The following PRG4 variants were observed in gnomAD, a reference collection of about 807,000 sequenced individuals.
The protein encoded by PRG4 is articular superficial zone protein.
A neutral mutation model predicts 91.2 loss-of-function variants in PRG4; 61 were observed. That is an observed-to-expected ratio of 0.67 (90% CI 0.54 to 0.83). PRG4 has a LOEUF of 0.83. Among genes scored for constraint, PRG4 ranks in the 40% least tolerant of loss-of-function variants. The pLI is 0.00. For missense variants in PRG4, 1,564 were observed against 1,714.2 expected (o/e 0.91, Z 1.55); for synonymous variants, 576 against 614.2 (o/e 0.94, Z 0.92).
rs749161039 is a variant in PRG4 at position 186,309,863 on chromosome 1, A to C, written c.3492A>C (p.Ala1164=). 5.0e-5 allele frequency: 81 copies of C among 1,612,714 alleles called. No individual in the cohort carries two copies. Among genetic ancestry groups the C allele is most frequent in the Non-Finnish European group, 6.2e-5 (73 of 1,178,902 alleles). ...CTTTGCGCAATGGGACATTAGTTGCATTCCGAGGTGAGCTATGTACACATT... is the reference window on the plus strand; with the variant it reads ...CTTTGCGCAATGGGACATTAGTTGCCTTCCGAGGTGAGCTATGTACACATT... The part of the protein sequence containing the change: ...LTTLRNGTLV[A]FRGHYFWMLS... Residue 1164 remains alanine (A), a synonymous_variant, in exon 8 of 13, where the codon GCA becomes GCC. Coordinates refer to ENST00000445192, the MANE Select transcript of PRG4 (RefSeq NM_005807.6).
chr1:186,304,677 A>C (rs1656431598), intron 5 of PRG4, 117 bp from the exon 6 acceptor site: 3 of 1,353,202 alleles, frequency 2.2e-6, no homozygotes, highest in Non-Finnish European at 2.1e-6. Context: ...TACTAATAAA[A>C]GCAAAATCCA....
chr1:186,304,874 T>C lies in PRG4; in HGVS notation c.550T>C (p.Ser184Pro). 1 of 1,613,506 alleles carries C rather than the reference T, an allele frequency of 6.2e-7. No homozygotes were observed. The highest frequency in any genetic ancestry group is 8.5e-7 in the Non-Finnish European group (1 of 1,179,590). Residue 184 changes from serine to proline, a missense_variant, in exon 6 of 13, where the codon TCT becomes CCT. Physicochemically the swap from Ser to Pro is moderately conservative, Grantham distance 74. Transcript: ENST00000445192. ...TTCTTCAACAATTCGGAAAATCAAG[T>C]CTTCCAAAAATTCAGCTGCTAATAG... ...SSSSTIRKIK[S>P]SKNSAANREL... is the part of the protein sequence containing the mutation.
Position 186,308,192 on chromosome 1 carries a change from G to A in PRG4, c.2473G>A (p.Glu825Lys), listed in dbSNP as rs369498738. 1.9e-6 allele frequency: 3 copies of A among 1,610,620 alleles called. No homozygotes were observed. The highest frequency in any genetic ancestry group is 2.5e-6 in the Non-Finnish European group (3 of 1,178,908). Residue 825 changes from glutamate (E) to lysine (K), a missense_variant, in exon 7 of 13, where the codon GAG becomes AAG. Physicochemically the swap from Glu to Lys is moderately conservative, Grantham distance 56. This residue lies in a region of PRG4 where 1,079 missense variants were observed against 1,162.2 expected (regional missense o/e 0.93). Coordinates refer to ENST00000445192, the MANE Select transcript of PRG4 (RefSeq NM_005807.6). ...CAAGCCTGCTCCAACTACACCTAAG[G>A]AGACTGCTCCAACTACCCCCAAGGA... ...SDKPAPTTPK[E>K]TAPTTPKEPA...
intron 10 of PRG4, 49 bp from the exon 11 acceptor site, chr1:186,312,126 G>T (rs755088130): frequency 6.5e-7 from 1 of 1,537,832 alleles, no homozygotes; most frequent in East Asian, 2.3e-5. Context: ...TTTTCTGAGG[G>T]TATTAAAATT....
chr1:186,296,673 G>A (rs550079037), intron 1 of PRG4, among the ~76,000 whole-genome samples, 173 bp from the exon 2 acceptor site: 1 of 152,278 alleles, frequency 6.6e-6, no homozygotes, highest in Admixed American at 6.5e-5. Flanking sequence ...ATAAGATTAA[G>A]TCTAATGGCC....
In PRG4 at chr1:186,304,029, A is replaced by G; in HGVS notation, c.320-79A>G. On this transcript the variant is annotated intron_variant, in intron 4 of 12. Coordinates refer to ENST00000445192, the MANE Select transcript of PRG4 (RefSeq NM_005807.6). ...CACCAGCATCTACTCTTGAAGCTAG[A>G]TGCATCTGTGCTTTTCACAGTTAGA... 3.4e-6 allele frequency: 5 copies of G among 1,477,750 alleles called. No individual in the cohort carries two copies. In the South Asian group the frequency reaches 5.7e-5, roughly 17 times the overall value. 91.5% of individuals were successfully genotyped at this position (1,477,750 alleles called of 1,614,324 possible).
Position 186,308,506 on chromosome 1 carries a change from AACT to A in PRG4, c.2790_2792del (p.Thr932del). On this transcript the variant is annotated inframe_deletion, in exon 7 of 13. Transcript: ENST00000445192. ...AAAGAGACTTACGTACTACACCTGA[AACT>A]ACAACTGCTGCACCTAAGATGACAA... is the stretch of plus-strand genomic sequence containing the variant. 6.2e-7 allele frequency: 1 copy of A among 1,613,824 alleles called. No homozygotes were observed. The highest frequency in any genetic ancestry group is 8.5e-7 in the Non-Finnish European group (1 of 1,180,028).
At position 186,306,550 on chromosome 1, in the gene PRG4, A is replaced by G. The variant is rs777862644; in HGVS notation, c.831A>G (p.Thr277=). Reference sequence around the variant, plus strand: ...ATACATCTAAAGAGACGTCTTTGACAGTGAATAAAGAGACAACAGTTGAAA... The same window carrying G: ...ATACATCTAAAGAGACGTCTTTGACGGTGAATAAAGAGACAACAGTTGAAA... ...NSDTSKETSL[T]VNKETTVETK... The change falls in exon 7 of 13, where the codon ACA becomes ACG. Residue 277 remains threonine, a synonymous_variant. Transcript: ENST00000445192. 1.2e-6 allele frequency: 2 copies of G among 1,613,292 alleles called. No individual in the cohort carries two copies. Among genetic ancestry groups the G allele is most frequent in the Non-Finnish European group, 8.5e-7 (1 of 1,179,362 alleles).
At position 186,307,607 on chromosome 1, in the gene PRG4, G is replaced by T. The variant is rs779434500; in HGVS notation, c.1888G>T (p.Glu630Ter). The change falls in exon 7 of 13, where the codon GAG becomes TAG. Residue 630 changes from glutamate (E) to a stop codon, truncating the protein, a stop_gained. Coordinates refer to ENST00000445192, the MANE Select transcript of PRG4 (RefSeq NM_005807.6). LOFTEE classifies it high-confidence loss of function. ...TPKKLTPTTP[E>*]KLAPTTPEKP... is the part of the protein sequence containing the mutation. ...CAAGAAGCTCACGCCCACCACCCCC[G>T]AGAAGCTCGCACCCACCACCCCTGA... 2.8e-6 allele frequency: 2 copies of T among 721,010 alleles called. No homozygotes were observed. Among genetic ancestry groups the T allele is most frequent in the African/African-American group, 5.5e-5 (1 of 18,292 alleles). 44.7% of individuals were successfully genotyped at this position (721,010 alleles called of 1,614,324 possible).
At position 186,304,267 on chromosome 1, in the gene PRG4, T is replaced by G. The variant is rs1455080620; in HGVS notation, c.469+10T>G. On this transcript the variant is annotated intron_variant, in intron 5 of 12. Coordinates refer to ENST00000445192, the MANE Select transcript of PRG4 (RefSeq NM_005807.6). The stretch of plus-strand genomic sequence containing the variant: ...GAGGAAATAACAGAAGGTAGGAAGA[T>G]GACAGATATAATCAAAGGAGCTTTC... 1 of 1,609,572 alleles carries G rather than the reference T, an allele frequency of 6.2e-7. No homozygotes were observed. Among genetic ancestry groups the G allele is most frequent in the Non-Finnish European group, 8.5e-7 (1 of 1,175,942 alleles).
intron 2 of PRG4, 100 bp from the exon 3 acceptor site, chr1:186,299,991 T>A: frequency 7.0e-7 from 1 of 1,425,048 alleles, no homozygotes; most frequent in Non-Finnish European, 9.9e-7. Flanking sequence ...TCTCGATCAA[T>A]AAAATTCTCT....
At chr1:186,313,658 A>C in intron 12 of PRG4, 23 bp from the exon 13 acceptor site, 1 of 1,451,690 alleles carries the variant, frequency 6.9e-7, no homozygotes, top group Non-Finnish European at 9.7e-7. Context: ...TTTAACTAAA[A>C]AAATGTTTTC....
chr1:186,297,172 T>G lies in PRG4; in HGVS notation c.76+221T>G, dbSNP rs182754025. Among the ~76,000 whole-genome samples the G allele has an allele frequency of 3.2e-3, 486 of 152,316 alleles. 3 individuals carry two copies. The highest frequency in any genetic ancestry group is 1.7e-3 in the Non-Finnish European group (115 of 68,032). ...AGTTTTGAGCTTGTATAAAGAATAA[T>G]TTTGGTACTTGTTATTTCTATGGTT... On this transcript the variant is annotated intron_variant, in intron 2 of 12. Coordinates refer to ENST00000445192, the MANE Select transcript of PRG4 (RefSeq NM_005807.6).
In PRG4 at chr1:186,308,669, A is replaced by C. The variant is rs762839876; in HGVS notation, c.2950A>C (p.Lys984Gln). The C allele has an allele frequency of 1.9e-6, 3 of 1,611,700 alleles. No homozygotes were observed. In the African/African-American group the frequency reaches 4.0e-5, roughly 22 times the overall value. The change falls in exon 7 of 13, where the codon AAA becomes CAA. Residue 984 changes from lysine to glutamine, a missense_variant. By Grantham distance (53) the Lys-to-Gln change is moderately conservative. Transcript: ENST00000445192. ...TCTTAAAACAACTACTCTTGCACCC[A>C]AAGTAACTACAACAAAAAAGACAAT... ...TTLKTTTLAP[K>Q]VTTTKKTITT...
Position 186,307,792 on chromosome 1 carries a change from T to G in PRG4, c.2073T>G (p.Thr691=). The G allele has an allele frequency of 6.2e-7, 1 of 1,607,960 alleles. No homozygotes were observed. Among genetic ancestry groups the G allele is most frequent in the Non-Finnish European group, 8.5e-7 (1 of 1,178,678 alleles). ...CTACCCCTAAGGAGCCTGCTCCAAC[T>G]ACCCCTAAGGAGCCTGCTCCAACTA... is the stretch of plus-strand genomic sequence containing the variant. ...APTTPKEPAP[T]TPKEPAPTTP... is the part of the protein sequence containing the mutation. The change falls in exon 7 of 13, where the codon ACT becomes ACG. Residue 691 remains threonine (T), a synonymous_variant. Coordinates refer to ENST00000445192, the MANE Select transcript of PRG4 (RefSeq NM_005807.6).
intron 2 of PRG4, among the ~76,000 whole-genome samples, chr1:186,298,819 G>A (rs1236819433): frequency 6.6e-6 from 1 of 152,042 alleles, no homozygotes; most frequent in Non-Finnish European, 1.5e-5. Flanking sequence ...TCTTGATACT[G>A]TCTTGTCTGC....
chr1:186,309,946 T>C, intron 8 of PRG4, 76 bp downstream of exon 8: 1 of 1,278,340 alleles, frequency 7.8e-7, no homozygotes, highest in Non-Finnish European at 1.1e-6. Context: ...CGTGGAAGAG[T>C]GCTAGTTTGG....
At position 186,312,787 on chromosome 1, in the gene PRG4, T is replaced by G. The variant is rs1379404627; in HGVS notation, c.4010T>G (p.Val1337Gly). Residue 1337 changes from valine (V) to glycine (G), a missense_variant, in exon 12 of 13, where the codon GTT becomes GGT. Coordinates refer to ENST00000445192, the MANE Select transcript of PRG4 (RefSeq NM_005807.6). The stretch of plus-strand genomic sequence containing the variant: ...CTTACAGGTGTCCTTCATAATGAAG[T>G]TAAAGTGAGTATACTGTGGAGAGGA... ...YQDKGVLHNE[V>G]KVSILWRGLP... 1 of 1,613,056 alleles carries G rather than the reference T, an allele frequency of 6.2e-7. No individual in the cohort carries two copies. The highest frequency in any genetic ancestry group is 1.3e-5 in the African/African-American group (1 of 75,012).
intron 12 of PRG4, 125 bp downstream of exon 12, chr1:186,313,019 T>C (rs557224189): frequency 9.5e-7 from 1 of 1,054,496 alleles, no homozygotes; most frequent in East Asian, 2.4e-5. Flanking sequence ...CTTATTCTAA[T>C]TGCTGTGGAA....
Sources: allele counts gnomAD v4.1 joint callset (sites outside exome capture counted in the v4.1 genomes callset), GRCh38; gene constraint gnomAD v4.1.1; regional missense constraint gnomAD v4.1.1; transcripts MANE v1.5; gene names NCBI Gene and HGNC (gene_info 2026-07-23, HGNC 2026-07-21).